The following TENM1 variants were observed in gnomAD, a reference collection of about 807,000 sequenced individuals.
TENM1 encodes teneurin transmembrane protein 1, also known as teneurin-1.
In TENM1, 35 loss-of-function variants were observed where a neutral mutation model predicts 174.8. That is an observed-to-expected ratio of 0.20 (90% confidence interval 0.15 to 0.27). The LOEUF is 0.27. Ranked by LOEUF, TENM1 falls within the 10% of genes least tolerant of loss-of-function variation. TENM1 has a pLI of 1.00. For missense variants in TENM1, 1,633 were observed against 2,130.1 expected (o/e 0.77, Z 4.59); for synonymous variants, 781 against 798.7 (o/e 0.98, Z 0.37).
intron 27 of TENM1, among the ~76,000 whole-genome samples, chrX:124,392,611 A>G (rs2147622242): frequency 8.9e-6 from 1 of 112,001 alleles, no homozygotes; most frequent in South Asian, 3.7e-4. Context: ...TCCCCAGCTC[A>G]AGCCTTAAGT....
At chrX:124,563,818 TA>T (rs1427348341) in intron 12 of TENM1, 46 bp from the exon 16 acceptor site, 1 of 1,114,819 alleles carries the variant, frequency 9.0e-7, no homozygotes, top group African/African-American at 1.8e-5. Context: ...TCTGAGAGAC[TA>T]AAGCTATACA....
At chrX:124,625,781 G>A (rs2050622561) in intron 11 of TENM1, among the ~76,000 whole-genome samples, 1 of 110,663 alleles carries the variant, frequency 9.0e-6, no homozygotes, top group African/African-American at 3.3e-5. Flanking sequence ...ACTATCACAA[G>A]AGCAGCATCA....
intron 5 of TENM1, among the ~76,000 whole-genome samples, chrX:124,683,279 T>C (rs980077647): frequency 8.9e-6 from 1 of 111,784 alleles, no homozygotes; most frequent in Non-Finnish European, 1.9e-5. Flanking sequence ...ACCCTATTTT[T>C]CTACCTCAGT....
At chrX:124,631,753 A>G (rs779170790) in intron 11 of TENM1, among the ~76,000 whole-genome samples, 1 of 107,547 alleles carries the variant, frequency 9.3e-6, no homozygotes, top group East Asian at 3.0e-4. Flanking sequence ...CAAAAAAATT[A>G]GCCAGGTGTG....
At chrX:124,772,673 A>G (rs1396720881) in intron 3 of TENM1, among the ~76,000 whole-genome samples, 1 of 112,085 alleles carries the variant, frequency 8.9e-6, no homozygotes, top group Non-Finnish European at 1.9e-5. Flanking sequence ...ATAATATTGT[A>G]TACTACAAAT....
At chrX:124,889,100 G>A (rs185412832) in intron 3 of TENM1, among the ~76,000 whole-genome samples, 2 of 111,736 alleles carry the variant, frequency 1.8e-5, no homozygotes, top group African/African-American at 6.5e-5. Flanking sequence ...CTTTATCATG[G>A]TATTAACTAA....
intron 3 of TENM1, among the ~76,000 whole-genome samples, chrX:124,743,512 G>A (rs2053848176): frequency 1.8e-5 from 2 of 111,951 alleles, no homozygotes; most frequent in Admixed American, 1.9e-4. Context: ...ATGACTGAAG[G>A]AGAACAGTCA....
intron 3 of TENM1, among the ~76,000 whole-genome samples, chrX:124,891,690 T>C (rs962982839): frequency 3.7e-5 from 4 of 108,626 alleles, no homozygotes; most frequent in African/African-American, 1.3e-4. Context: ...CCCATAAATA[T>C]GTACACCTAT....
chrX:124,777,480 T>C (rs777862414), intron 3 of TENM1, among the ~76,000 whole-genome samples: 1 of 111,982 alleles, frequency 8.9e-6, no homozygotes, highest in South Asian at 3.7e-4. Context: ...CAGCTTACCA[T>C]TGGCCTTTTT....
At chrX:124,995,383 C>T in the TENM1 span, among the ~76,000 whole-genome samples, 1 of 111,204 alleles carries the variant, frequency 9.0e-6, no homozygotes, top group Non-Finnish European at 1.9e-5. Flanking sequence ...AGCCCAGTGC[C>T]TTGTTCTTAG....
At chrX:124,843,367 T>C (rs754817709) in intron 3 of TENM1, among the ~76,000 whole-genome samples, 1 of 111,803 alleles carries the variant, frequency 8.9e-6, no homozygotes, top group East Asian at 2.9e-4. Context: ...GAGCCACTTG[T>C]TGTTACTGCT....
intron 11 of TENM1, among the ~76,000 whole-genome samples, chrX:124,589,515 T>C (rs1236955486): frequency 9.0e-6 from 1 of 111,017 alleles, no homozygotes; most frequent in Admixed American, 9.7e-5. Flanking sequence ...CTTTGTACAC[T>C]GGTAGAATTT....
At chrX:124,877,163 T>C (rs1433452114) in intron 3 of TENM1, among the ~76,000 whole-genome samples, 2 of 112,429 alleles carry the variant, frequency 1.8e-5, no homozygotes, top group African/African-American at 3.2e-5. Context: ...TTCCAAATTA[T>C]ACAATATAGC....
chrX:124,909,048 G>A (rs1187610398), intron 1 of TENM1, among the ~76,000 whole-genome samples: 2 of 111,184 alleles, frequency 1.8e-5, no homozygotes, highest in Non-Finnish European at 3.8e-5. Flanking sequence ...TAGTAGAGAC[G>A]TGGTTTCGCC....
chrX:124,578,068 G>A (rs996243627), intron 11 of TENM1, among the ~76,000 whole-genome samples: 4 of 104,334 alleles, frequency 3.8e-5, no homozygotes, highest in Non-Finnish European at 7.8e-5. Context: ...TGGAACTACA[G>A]ACACATGCCA....
the TENM1 span, among the ~76,000 whole-genome samples, chrX:125,180,260 A>G: frequency 1.2e-5 from 1 of 83,207 alleles, no homozygotes; most frequent in African/African-American, 4.5e-5. Flanking sequence ...GTAGAGACGG[A>G]GTTTCACCAT....
At chrX:124,480,826 CACACACACAT>C (rs978096011) in intron 22 of TENM1, among the ~76,000 whole-genome samples, 6 of 111,732 alleles carry the variant, frequency 5.4e-5, no homozygotes, top group African/African-American at 9.8e-5. Flanking sequence ...CAGATACACA[CACACACACAT>C]ACACACACAT....
chrX:125,145,663 G>A, the TENM1 span, among the ~76,000 whole-genome samples: 1 of 111,757 alleles, frequency 8.9e-6, no homozygotes, highest in Non-Finnish European at 1.9e-5. Flanking sequence ...ATATTTGAAT[G>A]CAAAAAAGAC....
chrX:124,869,169 G>C (rs1325481490), intron 3 of TENM1, among the ~76,000 whole-genome samples: 1 of 109,903 alleles, frequency 9.1e-6, no homozygotes, highest in Non-Finnish European at 1.9e-5. Flanking sequence ...GGAGGCGGAG[G>C]TTGCAGTGAG....
Sources: gnomAD v4.1 joint callset for allele counts (sites outside exome capture counted in the v4.1 genomes callset) on GRCh38, gnomAD v4.1.1 for gene constraint, MANE v1.5 for transcripts, NCBI Gene and HGNC (gene_info 2026-07-23, HGNC 2026-07-21) for gene names.